The following EFNA5 variants were observed in gnomAD, a reference collection of about 807,000 sequenced individuals.
EFNA5 encodes the protein ephrin-A5.
In EFNA5, 5 loss-of-function variants were observed where a neutral mutation model predicts 22.9. The observed-to-expected ratio is 0.22, with a 90% CI of 0.11 to 0.46. The LOEUF (loss-of-function observed/expected upper bound fraction) is 0.46. Ranked by LOEUF, EFNA5 falls within the 20% of genes least tolerant of loss-of-function variation. EFNA5 has a pLI of 0.99. For synonymous variants in EFNA5, 113 were observed against 112.2 expected (o/e 1.01, Z -0.04); for missense variants, 237 against 293.3 (o/e 0.81, Z 1.40).
intron 2 of EFNA5, among the ~76,000 whole-genome samples, chr5:107,389,721 G>T (rs1340056632): frequency 1.3e-5 from 2 of 152,098 alleles, no homozygotes; most frequent in East Asian, 1.9e-4. Context: ...CAAACGATAC[G>T]CCTCCAGGAA....
intron 2 of EFNA5, among the ~76,000 whole-genome samples, chr5:107,409,542 T>G (rs77907199): frequency 6.6e-6 from 1 of 152,196 alleles, no homozygotes; most frequent in Non-Finnish European, 1.5e-5. Context: ...AGAACCAACT[T>G]GGAAGGCATA....
chr5:107,387,398 C>CT (rs781011472), intron 3 of EFNA5, 83 bp from the exon 4 acceptor site: 7 of 873,722 alleles, frequency 8.0e-6, no homozygotes, highest in Admixed American at 2.8e-5. Context: ...TCTTTCTCTC[C>CT]TTTTTTTCTT....
chr5:107,533,750 A>G (rs887619712), intron 1 of EFNA5, among the ~76,000 whole-genome samples: 5 of 152,208 alleles, frequency 3.3e-5, no homozygotes, highest in African/African-American at 4.8e-5. Context: ...AGCAATGTTG[A>G]TCCATTTAAT....
rs1747304431 is a variant in EFNA5 at position 107,377,714 on chromosome 5, TA to T, written c.*3540del. 3 of 152,118 alleles carry T rather than the reference TA, an allele frequency of 2.0e-5. No individual in the cohort carries two copies. The highest frequency in any genetic ancestry group is 4.4e-5 in the Non-Finnish European group (3 of 68,038). The allele number at this position is 152,118 out of a possible 1,614,324, so 9.4% of individuals were successfully genotyped here. A position where few individuals can be genotyped will look rare whatever the true frequency, so the allele number is the denominator to read the frequency against. ...ATTTCCATGAGTGAGCTGCACATGA[TA>T]TTGATAAAGACTCTTCCTGGGAAAA... On this transcript the variant is annotated 3_prime_UTR_variant, in exon 5 of 5. Transcript: ENST00000333274.
chr5:107,660,315 T>TATATATATATATATA (rs1750926620), intron 1 of EFNA5, among the ~76,000 whole-genome samples: 19 of 109,742 alleles, frequency 1.7e-4, no homozygotes, highest in Non-Finnish European at 2.7e-4. Context: ...TATATATATA[T>TATATATATATATATA]TTGGCAAGTG....
Position 107,380,025 on chromosome 5 carries a change from C to G in EFNA5, c.*1230G>C, listed in dbSNP as rs1417895070. The G allele has an allele frequency of 2.0e-5, 3 of 152,048 alleles. No homozygotes were observed. Among genetic ancestry groups the G allele is most frequent in the African/African-American group, 4.8e-5 (2 of 41,356 alleles). The allele number at this position is 152,048 out of a possible 1,614,324, so 9.4% of individuals were successfully genotyped here. A position where few individuals can be genotyped will look rare whatever the true frequency, so the allele number is the denominator to read the frequency against. ...AAAGGGAAAGAATATAAAATCAACA[C>G]TTGAATTTTTTTACTCCAAACTTTG... On this transcript the variant is annotated 3_prime_UTR_variant, in exon 5 of 5. Transcript: ENST00000333274.
Position 107,454,743 on chromosome 5 carries a change from T to A in EFNA5, c.126-27234A>T, listed in dbSNP as rs369619324. On this transcript the variant is annotated intron_variant, in intron 1 of 4. Coordinates refer to ENST00000333274, the MANE Select transcript of EFNA5 (RefSeq NM_001962.3). Reference sequence around the variant, plus strand: ...TATACTTTATTTGCTTACAAATGTATCACATTTAGTATATTTAGATATAGG... The same window carrying A: ...TATACTTTATTTGCTTACAAATGTAACACATTTAGTATATTTAGATATAGG... Among the ~76,000 whole-genome samples the A allele has an allele frequency of 3.3e-5, 5 of 152,158 alleles. No homozygotes were observed. The East Asian group carries it at 9.6e-4, about 29-fold the overall frequency.
At chr5:107,594,578 C>T (rs1749437532) in intron 1 of EFNA5, among the ~76,000 whole-genome samples, 1 of 152,148 alleles carries the variant, frequency 6.6e-6, no homozygotes, top group African/African-American at 2.4e-5. Context: ...TAAAGCAAAA[C>T]CCAAGTTAAT....
intron 1 of EFNA5, among the ~76,000 whole-genome samples, chr5:107,463,896 T>C (rs913949749): frequency 3.3e-5 from 5 of 152,166 alleles, no homozygotes; most frequent in African/African-American, 9.7e-5. Flanking sequence ...CTCACCGAGC[T>C]GCATCTAAGT....
intron 2 of EFNA5, among the ~76,000 whole-genome samples, chr5:107,422,619 A>G (rs1748701963): frequency 6.6e-6 from 1 of 152,106 alleles, no homozygotes; most frequent in Non-Finnish European, 1.5e-5. Context: ...TGGATAGGAG[A>G]GGGAGGAGGG....
At chr5:107,483,587 G>A (rs1750543102) in intron 1 of EFNA5, among the ~76,000 whole-genome samples, 1 of 152,166 alleles carries the variant, frequency 6.6e-6, no homozygotes, top group African/African-American at 2.4e-5. Flanking sequence ...CTAAAGCCAG[G>A]GGATGGGAAA....
At chr5:107,383,352 C>A (rs928998339) in intron 4 of EFNA5, among the ~76,000 whole-genome samples, 1 of 152,086 alleles carries the variant, frequency 6.6e-6, no homozygotes, top group African/African-American at 2.4e-5. Context: ...ACCTTCAGAC[C>A]CTCTTCTATT....
chr5:107,557,559 G>A (rs1406290393), intron 1 of EFNA5, among the ~76,000 whole-genome samples: 1 of 152,186 alleles, frequency 6.6e-6, no homozygotes, highest in Non-Finnish European at 1.5e-5. Flanking sequence ...TTTGTCAATG[G>A]ACATATACAG....
intron 1 of EFNA5, among the ~76,000 whole-genome samples, chr5:107,509,652 C>A (rs1464856974): frequency 2.0e-5 from 3 of 151,954 alleles, no homozygotes; most frequent in Admixed American, 6.6e-5. Context: ...TCTTTTTACA[C>A]CCCTTAAAAA....
At chr5:107,560,905 T>C (rs1012580371) in intron 1 of EFNA5, among the ~76,000 whole-genome samples, 2 of 152,224 alleles carry the variant, frequency 1.3e-5, no homozygotes, top group African/African-American at 2.4e-5. Context: ...CTAAGCCCTA[T>C]AGTTCTGTAA....
chr5:107,602,391 GA>G (rs1749618608), intron 1 of EFNA5, among the ~76,000 whole-genome samples: 1 of 152,046 alleles, frequency 6.6e-6, no homozygotes, highest in African/African-American at 2.4e-5. Context: ...TTCCAAGAAA[GA>G]AAAAAGTCAC....
intron 1 of EFNA5, among the ~76,000 whole-genome samples, chr5:107,554,309 C>T (rs928244440): frequency 3.3e-5 from 5 of 152,156 alleles, no homozygotes; most frequent in African/African-American, 1.2e-4. Context: ...TAAAAGCACA[C>T]ATCTCATATG....
chr5:107,625,082 T>C (rs866084258), intron 1 of EFNA5, among the ~76,000 whole-genome samples: 4 of 152,270 alleles, frequency 2.6e-5, no homozygotes, highest in African/African-American at 4.8e-5. Flanking sequence ...GATTTATTAA[T>C]TGAAAGTAGC....
At chr5:107,654,395 T>C (rs764206369) in intron 1 of EFNA5, among the ~76,000 whole-genome samples, 15 of 152,114 alleles carry the variant, frequency 9.9e-5, no homozygotes, top group Non-Finnish European at 5.9e-5. Flanking sequence ...AAAGTGACAG[T>C]TGGGAAATTT....
Sources: allele counts gnomAD v4.1 joint callset (sites outside exome capture counted in the v4.1 genomes callset), GRCh38; gene constraint gnomAD v4.1.1; transcripts MANE v1.5; gene names NCBI Gene and HGNC (gene_info 2026-07-23, HGNC 2026-07-21).